FAM227A: variants seen among roughly 807,000 people sequenced by gnomAD.
FAM227A encodes the protein family with sequence similarity 227 member A, also known as protein FAM227A.
A neutral mutation model predicts 74.7 loss-of-function variants in FAM227A; 80 were observed. That is an observed-to-expected ratio of 1.07 (90% CI 0.89 to 1.29). FAM227A has a LOEUF of 1.29. Ranked by LOEUF, FAM227A falls within the 50% of genes most tolerant of loss-of-function variation. The pLI, the probability that FAM227A is intolerant of heterozygous loss-of-function variation, is 0.00. For missense variants in FAM227A, 654 were observed against 683.4 expected (o/e 0.96, Z 0.48); for synonymous variants, 237 against 241.8 (o/e 0.98, Z 0.19).
intron 11 of FAM227A, among the ~76,000 whole-genome samples, chr22:38,613,413 G>GTT (rs2091506030): frequency 0.026 from 12 of 456 alleles, 3 homozygotes; most frequent in East Asian, 0.18. Context: ...TAATATATAT[G>GTT]ATATATATAA....
Position 38,636,542 on chromosome 22 carries a change from C to T in FAM227A, c.428G>A (p.Ser143Asn). 1.3e-6 allele frequency: 2 copies of T among 1,551,652 alleles called. No homozygotes were observed. The highest frequency in any genetic ancestry group is 1.7e-6 in the Non-Finnish European group (2 of 1,146,980). The change falls in exon 6 of 17, where the codon AGC becomes AAC. Residue 143 changes from serine (S) to asparagine (N), a missense_variant. Transcript: ENST00000535113. ...ATTCGGAAGCTTGTTTGGCTTGGAGCTGTTGAAGTTGGAATACTGGTACAG... is the reference window on the plus strand; with the variant it reads ...ATTCGGAAGCTTGTTTGGCTTGGAGTTGTTGAAGTTGGAATACTGGTACAG... ...AELYQYSNFNSSKPNKLPNGV... is the reference protein window; with the variant it reads ...AELYQYSNFNNSKPNKLPNGV...
chr22:38,597,039 G>A (rs2091060281), intron 15 of FAM227A, among the ~76,000 whole-genome samples, 165 bp downstream of exon 15: 1 of 152,008 alleles, frequency 6.6e-6, no homozygotes, highest in South Asian at 2.1e-4. Flanking sequence ...AAAAGCTCTG[G>A]TCTCTGTTAT....
chr22:38,641,068 C>G (rs2092104467), intron 3 of FAM227A, among the ~76,000 whole-genome samples: 1 of 152,042 alleles, frequency 6.6e-6, no homozygotes, highest in South Asian at 2.1e-4. Context: ...TTACCAATGT[C>G]ATTATAGCAG....
chr22:38,600,238 G>A (rs1389108954), intron 13 of FAM227A, among the ~76,000 whole-genome samples: 1 of 151,672 alleles, frequency 6.6e-6, no homozygotes, highest in Non-Finnish European at 1.5e-5. Context: ...AAGGTTTCAG[G>A]TATAATAGTA....
chr22:38,582,068 C>T lies in FAM227A; in HGVS notation c.*4057G>A, dbSNP rs959472320. ...TGTTCGTTTTTTAACAAAGCTTTAT[C>T]GAAGTATAATTGACATATGAGAAAC... On this transcript the variant is annotated 3_prime_UTR_variant, in exon 17 of 17. Transcript: ENST00000535113. The T allele has an allele frequency of 6.7e-5, 23 of 342,996 alleles. No homozygotes were observed. Among genetic ancestry groups the T allele is most frequent in the Non-Finnish European group, 1.1e-4 (20 of 189,306 alleles). The allele number at this position is 342,996 out of a possible 1,614,324, so 21.2% of individuals were successfully genotyped here.
intron 12 of FAM227A, 139 bp downstream of exon 12, chr22:38,607,250 C>A: frequency 2.4e-4 from 107 of 439,530 alleles, no homozygotes; most frequent in Middle Eastern, 1.1e-3. Context: ...TAAAATATTA[C>A]TTGGTGCCAA....
Position 38,628,331 on chromosome 22 carries a change from C to A in FAM227A, c.633G>T (p.Glu211Asp), listed in dbSNP as rs1368241782. 27 of 1,550,614 alleles carry A rather than the reference C, an allele frequency of 1.7e-5. No homozygotes were observed. Among genetic ancestry groups the A allele is most frequent in the Non-Finnish European group, 2.0e-5 (23 of 1,146,232 alleles). The change falls in exon 8 of 17, where the codon GAG becomes GAT. Residue 211 changes from glutamate (E) to aspartate (D), a missense_variant. Physicochemically the swap from Glu to Asp is conservative, Grantham distance 45. Transcript: ENST00000535113. ...TCCGGTCAAACAGATTATTCTGGAG[C>A]TCCTTGTTTGGCTGCCAGGAATAGA... The part of the protein sequence containing the change: ...IFHERYQPNK[E>D]LQNNLFDRIA...
chr22:38,618,215 A>G (rs1226633536), intron 11 of FAM227A, among the ~76,000 whole-genome samples: 1 of 152,206 alleles, frequency 6.6e-6, no homozygotes. Context: ...ATCTCTTTAC[A>G]ATTCCAGTTT....
In FAM227A at chr22:38,645,669, A is replaced by C. The variant is rs770951314; in HGVS notation, c.143-24T>G. On this transcript the variant is annotated intron_variant, in intron 2 of 16. Coordinates refer to ENST00000535113, the MANE Select transcript of FAM227A (RefSeq NM_001013647.2). ...TGCTGGGAGGTTAGTCTGCTAAGGAAACTCAGGGTGATGATTACACACACA... is the reference window on the plus strand; with the variant it reads ...TGCTGGGAGGTTAGTCTGCTAAGGACACTCAGGGTGATGATTACACACACA... 2.7e-6 allele frequency: 4 copies of C among 1,495,684 alleles called. No homozygotes were observed. The South Asian group carries it at 4.8e-5, about 18-fold the overall frequency. The allele number at this position is 1,495,684 out of a possible 1,614,324, so 92.7% of individuals were successfully genotyped here.
chr22:38,651,641 C>T (rs755105008), intron 1 of FAM227A, among the ~76,000 whole-genome samples: 5 of 152,000 alleles, frequency 3.3e-5, no homozygotes, highest in South Asian at 2.1e-4. Flanking sequence ...GGATTACAGG[C>T]GTGAACCACC....
chr22:38,636,652 C>T, intron 5 of FAM227A, 55 bp from the exon 6 acceptor site: 4 of 1,469,106 alleles, frequency 2.7e-6, no homozygotes, highest in Non-Finnish European at 3.7e-6. Context: ...CAGTGTGAAA[C>T]AATAGGCTAG....
chr22:38,655,409 T>C (rs1177246198), intron 1 of FAM227A, among the ~76,000 whole-genome samples: 1 of 151,286 alleles, frequency 6.6e-6, no homozygotes, highest in Admixed American at 6.6e-5. Context: ...TGGGTGCCTG[T>C]AATTCCAGCT....
intron 2 of FAM227A, among the ~76,000 whole-genome samples, chr22:38,649,619 C>A (rs997632550): frequency 1.2e-4 from 18 of 149,102 alleles, no homozygotes; most frequent in African/African-American, 4.0e-4. Context: ...GTAATCCCAG[C>A]ACTTAGGGAG....
intron 9 of FAM227A, among the ~76,000 whole-genome samples, 190 bp from the exon 10 acceptor site, chr22:38,623,469 G>C: frequency 6.6e-6 from 1 of 152,330 alleles, no homozygotes; most frequent in Non-Finnish European, 1.5e-5. Flanking sequence ...CTGCAAAAGA[G>C]GCCTGGGGAG....
chr22:38,618,239 G>C (rs1209887275), intron 11 of FAM227A, among the ~76,000 whole-genome samples: 1 of 152,192 alleles, frequency 6.6e-6, no homozygotes, highest in Non-Finnish European at 1.5e-5. Context: ...TCTAAAAGCA[G>C]AGCATAAATT....
At position 38,584,758 on chromosome 22, in the gene FAM227A, A is replaced by C. The variant is rs576491770; in HGVS notation, c.*1367T>G. On this transcript the variant is annotated 3_prime_UTR_variant, in exon 17 of 17. Transcript: ENST00000535113. ...ATTCCAGCCTGGACAACAGACTGAG[A>C]GTCTGCCTCTAAAAAATTTAATTTA... The C allele has an allele frequency of 1.3e-5, 2 of 152,264 alleles. No homozygotes were observed. Among genetic ancestry groups the C allele is most frequent in the East Asian group, 3.9e-4 (2 of 5,188 alleles). The allele number at this position is 152,264 out of a possible 1,614,324, so 9.4% of individuals were successfully genotyped here.
At chr22:38,588,764 CAAAAAA>C (rs34469783) in intron 16 of FAM227A, among the ~76,000 whole-genome samples, 1 of 128,442 alleles carries the variant, frequency 7.8e-6, no homozygotes. Flanking sequence ...ACTAAAAATA[CAAAAAA>C]AAAAAAAAAT....
At chr22:38,616,984 G>C (rs1165739794) in intron 11 of FAM227A, among the ~76,000 whole-genome samples, 1 of 152,058 alleles carries the variant, frequency 6.6e-6, no homozygotes, top group Non-Finnish European at 1.5e-5. Flanking sequence ...CCTTCCTGCT[G>C]ACTGCTTGTG....
chr22:38,613,190 A>G (rs2091471477), intron 11 of FAM227A, among the ~76,000 whole-genome samples: 1 of 80,710 alleles, frequency 1.2e-5, no homozygotes, highest in Admixed American at 2.2e-4. Context: ...TATATAATAT[A>G]TATATATTAT....
Sources: allele counts gnomAD v4.1 joint callset (sites outside exome capture counted in the v4.1 genomes callset), GRCh38; gene constraint gnomAD v4.1.1; transcripts MANE v1.5; gene names NCBI Gene and HGNC (gene_info 2026-07-23, HGNC 2026-07-21).